FCHSD2: variants seen among roughly 807,000 people sequenced by gnomAD.
FCHSD2 encodes FCH and double SH3 domains 2, also known as F-BAR and double SH3 domains protein 2.
Under a neutral mutation model 108.1 loss-of-function variants are expected in FCHSD2, and 38 were observed. That is an observed-to-expected ratio of 0.35 (90% CI 0.27 to 0.46). The LOEUF (loss-of-function observed/expected upper bound fraction) is 0.46. Ranked by LOEUF, FCHSD2 falls within the 20% of genes least tolerant of loss-of-function variation. The pLI, the probability that FCHSD2 is intolerant of heterozygous loss-of-function variation, is 1.00. For missense variants in FCHSD2, 751 were observed against 897.8 expected (o/e 0.84, Z 2.09); for synonymous variants, 279 against 314.7 (o/e 0.89, Z 1.20).
At chr11:72,841,766 C>A (rs1288206624) in intron 17 of FCHSD2, among the ~76,000 whole-genome samples, 183 bp from the exon 18 acceptor site, 1 of 152,188 alleles carries the variant, frequency 6.6e-6, no homozygotes. Flanking sequence ...TTGCATTGCA[C>A]TTCACTTTTT....
intron 3 of FCHSD2, among the ~76,000 whole-genome samples, chr11:73,051,898 C>G (rs1442528869): frequency 6.6e-6 from 1 of 150,828 alleles, no homozygotes; most frequent in African/African-American, 2.5e-5. Flanking sequence ...CACACACACA[C>G]ACACACACAC....
chr11:73,041,457 T>C (rs981669895), intron 3 of FCHSD2, among the ~76,000 whole-genome samples: 4 of 152,242 alleles, frequency 2.6e-5, no homozygotes, highest in African/African-American at 9.6e-5. Flanking sequence ...ATTGTGGTTT[T>C]GATTTTCATT....
chr11:72,972,574 T>C (rs1857027351), intron 8 of FCHSD2, among the ~76,000 whole-genome samples: 1 of 152,252 alleles, frequency 6.6e-6, no homozygotes, highest in Non-Finnish European at 1.5e-5. Context: ...TGTAGGAGTT[T>C]GTTTTAAAAA....
intron 1 of FCHSD2, among the ~76,000 whole-genome samples, chr11:73,140,997 T>C (rs559309566): frequency 1.1e-4 from 16 of 152,310 alleles, no homozygotes; most frequent in Non-Finnish European, 2.9e-5. Context: ...AGTTAGGCGT[T>C]AGGCAAATGT....
intron 1 of FCHSD2, among the ~76,000 whole-genome samples, chr11:73,140,689 AAAG>A (rs1014954955): frequency 6.6e-5 from 10 of 152,236 alleles, no homozygotes; most frequent in Admixed American, 2.0e-4. Flanking sequence ...TCTTTCTCAC[AAAG>A]GAGAAAGCAA....
At chr11:73,056,811 G>A (rs1859035867) in intron 3 of FCHSD2, among the ~76,000 whole-genome samples, 1 of 152,068 alleles carries the variant, frequency 6.6e-6, no homozygotes, top group South Asian at 2.1e-4. Context: ...GGCCGGGCGC[G>A]GTGGCTCACG....
chr11:72,886,180 T>C (rs1855194876), intron 12 of FCHSD2, among the ~76,000 whole-genome samples: 1 of 152,160 alleles, frequency 6.6e-6, no homozygotes, highest in Non-Finnish European at 1.5e-5. Context: ...TTGCCCAGAA[T>C]CTTCTTACAT....
At position 73,063,088 on chromosome 11, in the gene FCHSD2, T is replaced by A. The variant is rs1410379786; in HGVS notation, c.165+20607A>T. ...AAGCCCATCAGACTAACAGTGGATG[T>A]CTCGGCAGAAACCCTACAAGCCAGA... On this transcript the variant is annotated intron_variant, in intron 3 of 19. Transcript: ENST00000409418. 9.9e-5 allele frequency among the ~76,000 whole-genome samples: 15 copies of A among 152,222 alleles called. 1 individual carries two copies. The highest frequency in any genetic ancestry group is 9.8e-4 in the Admixed American group (15 of 15,284).
At chr11:72,878,542 G>C (rs555287938) in intron 12 of FCHSD2, among the ~76,000 whole-genome samples, 6 of 152,322 alleles carry the variant, frequency 3.9e-5, no homozygotes, top group Non-Finnish European at 7.3e-5. Flanking sequence ...TGAACACTGT[G>C]ATAGCTTGTT....
Position 72,842,753 on chromosome 11 carries a change from G to C in FCHSD2, c.1794C>G (p.Asn598Lys). 6.2e-7 allele frequency: 1 copy of C among 1,613,860 alleles called. No homozygotes were observed. ...AGCCATCATCATCTTGGTTTTCTTT[G>C]TTCAAGATACGGATTATTGCTCCCT... The part of the protein sequence containing the change: ...FPEGAIIRIL[N>K]KENQDDDGFW... Residue 598 changes from asparagine to lysine, a missense_variant, in exon 17 of 20, where the codon AAC becomes AAG. By Grantham distance (94) the Asn-to-Lys change is moderately conservative. Transcript: ENST00000409418.
intron 9 of FCHSD2, among the ~76,000 whole-genome samples, chr11:72,904,111 G>C (rs1303973318): frequency 6.6e-6 from 1 of 152,204 alleles, no homozygotes; most frequent in Non-Finnish European, 1.5e-5. Flanking sequence ...ATTTAATCCA[G>C]GCCGATGATG....
chr11:73,138,303 T>C (rs769216316), intron 2 of FCHSD2, among the ~76,000 whole-genome samples: 1 of 152,194 alleles, frequency 6.6e-6, no homozygotes, highest in African/African-American at 2.4e-5. Flanking sequence ...CTCAGGACTG[T>C]CTGACTGCAG....
Position 72,838,633 on chromosome 11 carries a change from C to A in FCHSD2, c.*158G>T. 1.7e-6 allele frequency: 1 copy of A among 604,698 alleles called. No homozygotes were observed. Among genetic ancestry groups the A allele is most frequent in the Non-Finnish European group, 2.9e-6 (1 of 340,214 alleles). 37.5% of individuals were successfully genotyped at this position (604,698 alleles called of 1,614,324 possible). ...AAAAAAAGGCACGAAATATTCAAAA[C>A]GTGGGAGGAGTCTACCAGGCCACCC... On this transcript the variant is annotated 3_prime_UTR_variant, in exon 20 of 20. Transcript: ENST00000409418.
At chr11:72,909,684 G>A (rs1374350747) in intron 9 of FCHSD2, among the ~76,000 whole-genome samples, 4 of 150,058 alleles carry the variant, frequency 2.7e-5, no homozygotes, top group Non-Finnish European at 5.9e-5. Context: ...CCTCTGCCTG[G>A]CCGCCCCGTC....
chr11:73,119,891 TAA>T (rs1491381415), intron 2 of FCHSD2, among the ~76,000 whole-genome samples: 1 of 152,216 alleles, frequency 6.6e-6, no homozygotes, highest in Non-Finnish European at 1.5e-5. Flanking sequence ...ATGCTGCTGA[TAA>T]AGACATACCT....
intron 9 of FCHSD2, among the ~76,000 whole-genome samples, chr11:72,904,058 C>T (rs1301291399): frequency 1.3e-5 from 2 of 152,186 alleles, no homozygotes; most frequent in African/African-American, 2.4e-5. Flanking sequence ...AATTAAAATA[C>T]ACCACGGAGT....
chr11:72,877,831 C>A (rs913945964), intron 12 of FCHSD2, among the ~76,000 whole-genome samples: 3 of 151,864 alleles, frequency 2.0e-5, no homozygotes, highest in African/African-American at 7.3e-5. Context: ...CATGGGGAAA[C>A]CCTGTCTCTA....
intron 2 of FCHSD2, among the ~76,000 whole-genome samples, chr11:73,115,600 C>T (rs1370253855): frequency 1.3e-5 from 2 of 152,080 alleles, no homozygotes; most frequent in East Asian, 3.9e-4. Flanking sequence ...AGAGAAAACA[C>T]GAGAGAGAAG....
At chr11:72,875,273 T>C (rs1221491978) in intron 12 of FCHSD2, among the ~76,000 whole-genome samples, 1 of 152,212 alleles carries the variant, frequency 6.6e-6, no homozygotes, top group African/African-American at 2.4e-5. Flanking sequence ...ACAGCTTTTA[T>C]CATAGGTACT....
Sources: gnomAD v4.1 joint callset for allele counts (sites outside exome capture counted in the v4.1 genomes callset) on GRCh38, gnomAD v4.1.1 for gene constraint, MANE v1.5 for transcripts, NCBI Gene and HGNC (gene_info 2026-07-23, HGNC 2026-07-21) for gene names.